Variants in ALPK1 observed in about 807,000 individuals in gnomAD.
ALPK1 encodes alpha kinase 1.
A neutral mutation model predicts 120.6 loss-of-function variants in ALPK1; 110 were observed. The observed-to-expected ratio is 0.91, with a 90% CI of 0.78 to 1.07. The LOEUF (loss-of-function observed/expected upper bound fraction) is 1.07, where lower values mean the gene tolerates loss of function less well. ALPK1 is among the 50% of genes least tolerant of loss of function. The pLI, the probability that ALPK1 is intolerant of heterozygous loss-of-function variation, is 0.00. For synonymous variants in ALPK1, 582 were observed against 560.3 expected (o/e 1.04, Z -0.55); for missense variants, 1,498 against 1,483.9 (o/e 1.01, Z -0.16).
chr4:112,323,474 G>C (rs1038775086), intron 2 of ALPK1, among the ~76,000 whole-genome samples: 1 of 152,110 alleles, frequency 6.6e-6, no homozygotes, highest in East Asian at 1.9e-4. Context: ...CACATAGCAG[G>C]TATCCAGAAA....
intron 4 of ALPK1, 151 bp downstream of exon 4, chr4:112,382,703 G>C: frequency 8.9e-7 from 1 of 1,117,322 alleles, no homozygotes; most frequent in Admixed American, 2.4e-5. Flanking sequence ...GAGGGAAATA[G>C]CTGTTTGAAA....
chr4:112,395,167 A>G (rs1732596049), intron 4 of ALPK1, among the ~76,000 whole-genome samples: 1 of 152,178 alleles, frequency 6.6e-6, no homozygotes, highest in Admixed American at 6.5e-5. Flanking sequence ...GAAATTTGTT[A>G]TACCCATATT....
chr4:112,353,655 G>C (rs1730468002), intron 2 of ALPK1, among the ~76,000 whole-genome samples: 1 of 152,056 alleles, frequency 6.6e-6, no homozygotes, highest in Non-Finnish European at 1.5e-5. Context: ...ATCACCTAAG[G>C]TCAGGAGTTC....
chr4:112,409,287 G>A (rs1281462999), intron 4 of ALPK1, among the ~76,000 whole-genome samples: 1 of 152,004 alleles, frequency 6.6e-6, no homozygotes, highest in Non-Finnish European at 1.5e-5. Context: ...AGGGGCTGTG[G>A]GCACAGCAGT....
At position 112,427,632 on chromosome 4, in the gene ALPK1, T is replaced by C. The variant is rs1215301713; in HGVS notation, c.762T>C (p.Tyr254=). The C allele has an allele frequency of 1.5e-5, 25 of 1,613,890 alleles. No homozygotes were observed. Among genetic ancestry groups the C allele is most frequent in the Non-Finnish European group, 2.0e-5 (24 of 1,179,914 alleles). Residue 254 remains tyrosine, a synonymous_variant, in exon 9 of 16, where the codon TAT becomes TAC. Transcript: ENST00000650871. ...DIFVSMSKND[Y]EKFKNNPQIN... is the part of the protein sequence containing the mutation. ...TTGTTTCCATGAGCAAGAACGATTA[T>C]GAAAAGTTTAAAAACAATCCACAAA...
intron 2 of ALPK1, chr4:112,357,879 G>C (rs769252661): frequency 1.7e-6 from 2 of 1,151,428 alleles, no homozygotes; most frequent in Admixed American, 3.5e-5. Flanking sequence ...CGCTGAGGCC[G>C]CTGTTTGTGG....
intron 2 of ALPK1, among the ~76,000 whole-genome samples, chr4:112,324,209 C>A (rs1212483812): frequency 6.6e-6 from 1 of 152,042 alleles, no homozygotes; most frequent in Non-Finnish European, 1.5e-5. Context: ...CGCCTGTAGT[C>A]CCAGCTACTG....
intron 2 of ALPK1, among the ~76,000 whole-genome samples, chr4:112,374,720 G>A (rs1731574137): frequency 6.6e-6 from 1 of 152,198 alleles, no homozygotes; most frequent in South Asian, 2.1e-4. Flanking sequence ...TATATCAGCA[G>A]GCATAAGAAC....
chr4:112,349,104 T>G (rs1730218511), intron 2 of ALPK1, among the ~76,000 whole-genome samples: 1 of 152,114 alleles, frequency 6.6e-6, no homozygotes, highest in Non-Finnish European at 1.5e-5. Flanking sequence ...TCTTTTTCCC[T>G]GAAAAAGTCT....
chr4:112,308,154 A>G (rs1346071836), intron 1 of ALPK1, among the ~76,000 whole-genome samples: 3 of 152,068 alleles, frequency 2.0e-5, no homozygotes, highest in South Asian at 4.1e-4. Flanking sequence ...TGGGTAACCC[A>G]ACCTTTCTCT....
At chr4:112,309,874 C>T (rs904674704) in intron 1 of ALPK1, among the ~76,000 whole-genome samples, 6 of 152,140 alleles carry the variant, frequency 3.9e-5, no homozygotes, top group Non-Finnish European at 8.8e-5. Context: ...ACTTACATGA[C>T]TGCTTTCTAC....
Position 112,430,969 on chromosome 4 carries a change from T to C in ALPK1, c.1422T>C (p.Cys474=). The C allele has an allele frequency of 2.5e-6, 4 of 1,613,764 alleles. No individual in the cohort carries two copies. In the South Asian group the frequency reaches 3.3e-5, roughly 13 times the overall value. Residue 474 remains cysteine (C), a synonymous_variant, in exon 11 of 16, where the codon TGT becomes TGC. Coordinates refer to ENST00000650871, the MANE Select transcript of ALPK1 (RefSeq NM_025144.4). The stretch of plus-strand genomic sequence containing the variant: ...TGTGTGAAGTATTTGAAAGTGATTG[T>C]GGAAACAACAAAAATGAACAGAAAG... The part of the protein sequence containing the change: ...TSVCEVFESD[C]GNNKNEQKDA...
chr4:112,390,103 T>C (rs1732338434), intron 4 of ALPK1, among the ~76,000 whole-genome samples: 6 of 152,190 alleles, frequency 3.9e-5, no homozygotes, highest in Admixed American at 3.9e-4. Context: ...GTCACCCTAG[T>C]ATGCCTAGGA....
At chr4:112,372,689 A>G (rs138206299) in intron 2 of ALPK1, among the ~76,000 whole-genome samples, 3 of 152,240 alleles carry the variant, frequency 2.0e-5, no homozygotes, top group East Asian at 1.9e-4. Flanking sequence ...GTTTTTAACT[A>G]TCATCACCGT....
At chr4:112,311,129 C>G (rs905752179) in intron 1 of ALPK1, among the ~76,000 whole-genome samples, 1 of 152,208 alleles carries the variant, frequency 6.6e-6, no homozygotes, top group African/African-American at 2.4e-5. Flanking sequence ...AGGAGACTTA[C>G]TGTGTGGTTG....
chr4:112,386,549 C>A (rs1732160340), intron 4 of ALPK1, among the ~76,000 whole-genome samples: 1 of 152,176 alleles, frequency 6.6e-6, no homozygotes, highest in Admixed American at 6.5e-5. Flanking sequence ...GGGTCACAGG[C>A]TACGGCGACC....
intron 4 of ALPK1, among the ~76,000 whole-genome samples, chr4:112,387,253 TA>T (rs1732193275): frequency 6.6e-6 from 1 of 152,178 alleles, no homozygotes. Context: ...TCTAGTGAAT[TA>T]AAATAAAATA....
chr4:112,356,298 T>C, intron 2 of ALPK1: 2 of 1,036,774 alleles, frequency 1.9e-6, no homozygotes, highest in South Asian at 2.5e-5. Context: ...TGCACCACCC[T>C]GGCCTGGCGA....
chr4:112,388,516 C>T (rs533826530), intron 4 of ALPK1, among the ~76,000 whole-genome samples: 2 of 151,846 alleles, frequency 1.3e-5, no homozygotes, highest in African/African-American at 4.8e-5. Flanking sequence ...ATTAGTAATA[C>T]AGAATTCAAA....
Sources: gnomAD v4.1 joint callset for allele counts (sites outside exome capture counted in the v4.1 genomes callset) on GRCh38, gnomAD v4.1.1 for gene constraint, MANE v1.5 for transcripts, NCBI Gene and HGNC (gene_info 2026-07-23, HGNC 2026-07-21) for gene names.